Variants in KAZN observed in about 807,000 individuals in gnomAD.
The protein encoded by KAZN is kazrin.
KAZN carries 40 observed loss-of-function variants against 87.4 expected under a neutral mutation model. The observed-to-expected ratio is 0.46, with a 90% CI of 0.36 to 0.60. KAZN has a LOEUF of 0.60. KAZN is among the 20% of genes least tolerant of loss of function. The probability of loss-of-function intolerance (pLI) is 0.00; values close to 1 mark genes in which losing one functional copy is unlikely to be tolerated. For missense variants in KAZN, 898 were observed against 1,073.9 expected, an observed-to-expected ratio of 0.84 and a Z score of 2.29; for synonymous variants, 466 against 458.3, an observed-to-expected ratio of 1.02 and a Z score of -0.22.
At chr1:14,491,486 T>A (rs1433655181) in intron 2 of KAZN, among the ~76,000 whole-genome samples, 1 of 152,178 alleles carries the variant, frequency 6.6e-6, no homozygotes, top group Non-Finnish European at 1.5e-5. Flanking sequence ...CGGTGTGTGA[T>A]ATTCCCCTCC....
At chr1:14,799,567 G>A (rs143145359) in intron 1 of KAZN, among the ~76,000 whole-genome samples, 149 of 152,310 alleles carry the variant, frequency 9.8e-4, no homozygotes, top group African/African-American at 3.5e-3. Flanking sequence ...CAGTCGAGTT[G>A]TTAAAATGAT....
At chr1:14,192,552 A>T (rs1570979640) in intron 2 of KAZN, among the ~76,000 whole-genome samples, 1 of 152,202 alleles carries the variant, frequency 6.6e-6, no homozygotes, top group African/African-American at 2.4e-5. Context: ...AAGAAGTTTT[A>T]TTCCTGGTCT....
intron 2 of KAZN, among the ~76,000 whole-genome samples, chr1:14,565,355 G>A (rs920768373): frequency 6.6e-5 from 10 of 151,874 alleles, no homozygotes; most frequent in East Asian, 3.9e-4. Context: ...GTGCAATCGC[G>A]TATGTCTAAA....
chr1:14,098,877 T>C (rs1288532844), intron 1 of KAZN, among the ~76,000 whole-genome samples: 16 of 152,160 alleles, frequency 1.1e-4, no homozygotes, highest in Admixed American at 9.2e-4. Flanking sequence ...GGGGAACAGA[T>C]GGGGCCCATG....
At chr1:14,585,527 G>A (rs959713678) in intron 2 of KAZN, among the ~76,000 whole-genome samples, 2 of 152,140 alleles carry the variant, frequency 1.3e-5, no homozygotes, top group East Asian at 3.9e-4. Context: ...AGCAGAGGAG[G>A]CCAAGCCAAA....
At chr1:15,061,484 C>G (rs1259912262) in intron 6 of KAZN, 1 of 152,182 alleles carries the variant, frequency 6.6e-6, no homozygotes, top group African/African-American at 2.4e-5. Flanking sequence ...GGGCCCTGCT[C>G]AGGCCTGGGA....
chr1:15,034,501 G>A (rs988571456), intron 2 of KAZN, among the ~76,000 whole-genome samples: 2 of 151,462 alleles, frequency 1.3e-5, no homozygotes, highest in Non-Finnish European at 1.5e-5. Flanking sequence ...TTTCGACAAC[G>A]ACTTGCTCCC....
rs1638673624 is a variant in KAZN, at chr1:15,060,266, C to G, written c.1011C>G (p.Ile337Met). The G allele has an allele frequency of 6.2e-7, 1 of 1,614,214 alleles. No individual in the cohort carries two copies. The highest frequency in any genetic ancestry group is 2.2e-5 in the East Asian group (1 of 44,880). ...ACCGGTCGTCCACACCGAGCGACAT[C>G]AACTCCCCTCGACACCGGACACACT... Reference protein sequence around the residue: ...EGDRSSTPSDINSPRHRTHSL... With the variant: ...EGDRSSTPSDMNSPRHRTHSL... The change falls in exon 6 of 15, where the codon ATC becomes ATG. Residue 337 changes from isoleucine (I) to methionine (M), a missense_variant. Ile to Met is a conservative substitution (Grantham distance 10, BLOSUM62 1). Transcript: ENST00000376030.
chr1:14,624,971 G>A (rs1301421375), intron 1 of KAZN, among the ~76,000 whole-genome samples: 2 of 152,068 alleles, frequency 1.3e-5, no homozygotes, highest in Non-Finnish European at 2.9e-5. Flanking sequence ...GGTTTTTGAT[G>A]AGGTGATGTC....
chr1:14,591,308 T>A (rs2148580789), intron 2 of KAZN, among the ~76,000 whole-genome samples: 1 of 152,148 alleles, frequency 6.6e-6, no homozygotes, highest in Admixed American at 6.5e-5. Context: ...GGTTATATAT[T>A]TTGCTTGGCT....
intron 1 of KAZN, among the ~76,000 whole-genome samples, chr1:14,747,525 C>T (rs1186388584): frequency 6.6e-6 from 1 of 152,198 alleles, no homozygotes; most frequent in Admixed American, 6.5e-5. Flanking sequence ...AGTGATCCAC[C>T]CATCTGGGCC....
chr1:14,678,584 A>G (rs1013352961), intron 1 of KAZN, among the ~76,000 whole-genome samples: 5 of 152,140 alleles, frequency 3.3e-5, no homozygotes, highest in Non-Finnish European at 7.4e-5. Context: ...ACATATGCCT[A>G]TTAGCTCTAT....
intron 13 of KAZN, among the ~76,000 whole-genome samples, chr1:15,105,403 TC>T (rs1433456824): frequency 6.6e-6 from 1 of 152,210 alleles, no homozygotes; most frequent in Non-Finnish European, 1.5e-5. Flanking sequence ...CTTATATCTT[TC>T]TAGGAATTTG....
chr1:14,584,920 G>C (rs1474622583), intron 2 of KAZN, among the ~76,000 whole-genome samples: 1 of 152,210 alleles, frequency 6.6e-6, no homozygotes, highest in African/African-American at 2.4e-5. Flanking sequence ...TGGGATTACA[G>C]GCATGAGCCA....
intron 2 of KAZN, among the ~76,000 whole-genome samples, chr1:14,410,610 C>G (rs923378724): frequency 1.3e-5 from 2 of 152,144 alleles, no homozygotes; most frequent in Admixed American, 6.6e-5. Flanking sequence ...AGTTAATGAT[C>G]TTGAGATGGA....
chr1:13,968,894 G>A (rs950213622), intron 1 of KAZN, among the ~76,000 whole-genome samples: 1 of 152,098 alleles, frequency 6.6e-6, no homozygotes, highest in Non-Finnish European at 1.5e-5. Flanking sequence ...AAATCTACAA[G>A]TACAGCTGTG....
At chr1:14,486,602 G>C (rs56307822) in intron 2 of KAZN, among the ~76,000 whole-genome samples, 3,475 of 152,284 alleles carry the variant, frequency 0.023, 60 homozygotes, top group Non-Finnish European at 0.037. Flanking sequence ...TTAATAGCCT[G>C]TACATTTAAG....
intron 2 of KAZN, among the ~76,000 whole-genome samples, chr1:15,020,721 G>A (rs1001365542): frequency 6.6e-6 from 1 of 152,190 alleles, no homozygotes; most frequent in Admixed American, 6.5e-5. Context: ...TACAAATAGG[G>A]CCGCTGTGAA....
At chr1:14,621,075 T>C (rs1300648388) in intron 1 of KAZN, among the ~76,000 whole-genome samples, 1 of 152,170 alleles carries the variant, frequency 6.6e-6, no homozygotes, top group African/African-American at 2.4e-5. Context: ...CTGGAGCTTC[T>C]ACTTCCCAGG....
Sources: gnomAD v4.1 joint callset for allele counts (sites outside exome capture counted in the v4.1 genomes callset) on GRCh38, gnomAD v4.1.1 for gene constraint, MANE v1.5 for transcripts, NCBI Gene and HGNC (gene_info 2026-07-23, HGNC 2026-07-21) for gene names.